The following PTPRD variants were observed in gnomAD, a reference collection of about 807,000 sequenced individuals.
PTPRD encodes the protein protein tyrosine phosphatase receptor type D, also known as receptor-type tyrosine-protein phosphatase delta.
Under a neutral mutation model 214.5 loss-of-function variants are expected in PTPRD, and 34 were observed. The observed-to-expected ratio is 0.16, with a 90% CI of 0.12 to 0.21. PTPRD has a LOEUF of 0.21. Ranked by LOEUF, PTPRD falls within the 10% of genes least tolerant of loss-of-function variation. The pLI is 1.00. For synonymous variants in PTPRD, 1,128 were observed against 845.7 expected (o/e 1.33, Z -5.79); for missense variants, 2,545 against 2,398.7 (o/e 1.06, Z -1.27).
At chr9:8,782,388 T>TTACAA (rs1174407501) in intron 11 of PTPRD, among the ~76,000 whole-genome samples, 1 of 152,196 alleles carries the variant, frequency 6.6e-6, no homozygotes, top group African/African-American at 2.4e-5. Context: ...ATTTTCAAGT[T>TTACAA]TACAATACAT....
At chr9:10,051,217 T>C (rs1233010678) in intron 3 of PTPRD, among the ~76,000 whole-genome samples, 2 of 152,136 alleles carry the variant, frequency 1.3e-5, no homozygotes, top group African/African-American at 4.8e-5. Context: ...AGAATATCCA[T>C]AATTTTGAAG....
In PTPRD at chr9:10,470,801, A is replaced by G. The variant is rs117227332; in HGVS notation, c.-599-129784T>C. Among the ~76,000 whole-genome samples the G allele has an allele frequency of 9.4e-4, 143 of 152,308 alleles. 2 individuals carry two copies. The East Asian group carries it at 0.026, about 28-fold the overall frequency. On this transcript the variant is annotated intron_variant, in intron 2 of 45. Transcript: ENST00000381196. ...ACTATCTTTAGTATCAGTTCTCAAA[A>G]GGAAACAGGAGTGGTGGAGGGTATC...
In PTPRD at chr9:8,826,085, G is replaced by A. The variant is rs72499201; in HGVS notation, c.-103-92139C>T. On this transcript the variant is annotated intron_variant, in intron 11 of 45. Coordinates refer to ENST00000381196, the MANE Select transcript of PTPRD (RefSeq NM_002839.4). ...AAGATGGAGTTGCTCTGGTTCACAG[G>A]CCTCTGACAATTCACAGATAAAGGC... is the stretch of plus-strand genomic sequence containing the variant. Among the ~76,000 whole-genome samples, 94 of 152,102 alleles carry A rather than the reference G, an allele frequency of 6.2e-4. 1 individual carries two copies. In the East Asian group the frequency reaches 0.016, roughly 26 times the overall value.
Position 10,539,920 on chromosome 9 carries a change from T to TATC in PTPRD, c.-600+72475_-600+72477dup, listed in dbSNP as rs530493981. Among the ~76,000 whole-genome samples the TATC allele has an allele frequency of 7.9e-5, 12 of 152,350 alleles. No homozygotes were observed. In the South Asian group the frequency reaches 2.5e-3, roughly 32 times the overall value. The stretch of plus-strand genomic sequence containing the variant: ...GTGGTGTATCAACAACAATCATTAT[T>TATC]ATCATTGTATGCCAATTAATCAGCA... On this transcript the variant is annotated intron_variant, in intron 2 of 45. Transcript: ENST00000381196.
rs1011952849 is a variant in PTPRD at position 10,292,893 on chromosome 9, ATTAG to A, written c.-545+48066_-545+48069del. ...ATGTGTGTATATAAATTAATGTTAC[ATTAG>A]TTAGTAAGTTACATAAAAGAATAAG... On this transcript the variant is annotated intron_variant, in intron 3 of 45. Coordinates refer to ENST00000381196, the MANE Select transcript of PTPRD (RefSeq NM_002839.4). Among the ~76,000 whole-genome samples, 12 of 152,024 alleles carry A rather than the reference ATTAG, an allele frequency of 7.9e-5. No homozygotes were observed. The East Asian group carries it at 1.9e-3, about 25-fold the overall frequency.
intron 3 of PTPRD, among the ~76,000 whole-genome samples, chr9:10,198,221 T>C (rs1325782875): frequency 6.6e-6 from 1 of 152,082 alleles, no homozygotes; most frequent in Non-Finnish European, 1.5e-5. Flanking sequence ...TAAGAAGAAC[T>C]AACAACAAGA....
At chr9:10,103,100 G>C (rs1026956186) in intron 3 of PTPRD, among the ~76,000 whole-genome samples, 3 of 151,298 alleles carry the variant, frequency 2.0e-5, no homozygotes, top group Non-Finnish European at 3.0e-5. Context: ...TGAGGGAGTC[G>C]GTCTATAGAC....
chr9:10,576,339 C>T (rs1473344720), intron 2 of PTPRD, among the ~76,000 whole-genome samples: 1 of 152,074 alleles, frequency 6.6e-6, no homozygotes, highest in Non-Finnish European at 1.5e-5. Flanking sequence ...CTTTCTGTTG[C>T]TTTTTAATGG....
intron 7 of PTPRD, among the ~76,000 whole-genome samples, chr9:9,701,195 C>T (rs1234143587): frequency 6.6e-6 from 1 of 152,150 alleles, no homozygotes; most frequent in East Asian, 1.9e-4. Flanking sequence ...CCTAAATATA[C>T]AAGGAAGCCA....
chr9:8,669,344 C>G (rs1405892187), intron 12 of PTPRD, among the ~76,000 whole-genome samples: 6 of 152,200 alleles, frequency 3.9e-5, no homozygotes, highest in South Asian at 2.1e-4. Flanking sequence ...TGGGGTAGAC[C>G]TGAGCAGAGA....
At chr9:8,790,472 C>T (rs867828449) in intron 11 of PTPRD, among the ~76,000 whole-genome samples, 1 of 151,972 alleles carries the variant, frequency 6.6e-6, no homozygotes, top group African/African-American at 2.4e-5. Context: ...GGCTGTAGTG[C>T]AGTGGTGCGA....
At chr9:9,863,115 A>G (rs946996124) in intron 5 of PTPRD, among the ~76,000 whole-genome samples, 2 of 152,178 alleles carry the variant, frequency 1.3e-5, no homozygotes, top group African/African-American at 4.8e-5. Context: ...AAAATGCTGA[A>G]TTAGGAAATA....
chr9:9,678,693 G>GA (rs1158261092), intron 7 of PTPRD, among the ~76,000 whole-genome samples: 1 of 150,956 alleles, frequency 6.6e-6, no homozygotes. Context: ...ACAATTAGAA[G>GA]AAAAAAACAA....
intron 7 of PTPRD, among the ~76,000 whole-genome samples, chr9:9,631,560 G>C (rs2095596403): frequency 6.6e-6 from 1 of 152,072 alleles, no homozygotes; most frequent in African/African-American, 2.4e-5. Flanking sequence ...AGATTCAGCA[G>C]GTTTCAGAGT....
At chr9:9,316,305 GCAAA>G (rs1963061384) in intron 9 of PTPRD, among the ~76,000 whole-genome samples, 2 of 151,862 alleles carry the variant, frequency 1.3e-5, no homozygotes, top group African/African-American at 2.4e-5. Context: ...TATCTGACAA[GCAAA>G]CAGTTTCCTA....
At chr9:10,414,881 G>T (rs891470670) in intron 2 of PTPRD, among the ~76,000 whole-genome samples, 5 of 151,728 alleles carry the variant, frequency 3.3e-5, no homozygotes. Flanking sequence ...AGAATGATGA[G>T]AACTCATGGA....
intron 39 of PTPRD, among the ~76,000 whole-genome samples, chr9:8,349,002 C>A (rs962626353): frequency 6.6e-6 from 1 of 152,004 alleles, no homozygotes; most frequent in Non-Finnish European, 1.5e-5. Flanking sequence ...TGGCAATTTC[C>A]ATGCCAGGGA....
At chr9:9,978,481 T>C (rs897123887) in intron 4 of PTPRD, among the ~76,000 whole-genome samples, 19 of 151,946 alleles carry the variant, frequency 1.3e-4, no homozygotes, top group African/African-American at 4.6e-4. Context: ...AATGTATGCT[T>C]GTAAAAATGA....
intron 2 of PTPRD, among the ~76,000 whole-genome samples, chr9:10,461,471 A>C (rs371131764): frequency 6.6e-6 from 1 of 152,082 alleles, no homozygotes; most frequent in Non-Finnish European, 1.5e-5. Flanking sequence ...TGGATGAAGA[A>C]ACTATCATAG....
Sources: allele counts gnomAD v4.1 joint callset (sites outside exome capture counted in the v4.1 genomes callset), GRCh38; gene constraint gnomAD v4.1.1; transcripts MANE v1.5; gene names NCBI Gene and HGNC (gene_info 2026-07-23, HGNC 2026-07-21).